DMD: variants seen among roughly 807,000 people sequenced by gnomAD.
DMD encodes the protein mutant dystrophin.
A neutral mutation model predicts 330.1 loss-of-function variants in DMD; 63 were observed. That is an observed-to-expected ratio of 0.19 (90% CI 0.16 to 0.24). DMD has a LOEUF of 0.24. Ranked by LOEUF, DMD falls within the 10% of genes least tolerant of loss-of-function variation. DMD has a pLI of 1.00. For synonymous variants in DMD, 1,223 were observed against 959.8 expected, an observed-to-expected ratio of 1.27 and a Z score of -5.07; for missense variants, 3,344 against 2,684.1, an observed-to-expected ratio of 1.25 and a Z score of -5.43.
At chrX:33,016,475 T>C (rs1172937435) in intron 2 of DMD, among the ~76,000 whole-genome samples, 1 of 111,398 alleles carries the variant, frequency 9.0e-6, no homozygotes, top group East Asian at 2.8e-4. Flanking sequence ...ACTCTCTCCT[T>C]TTCCCGTTCA....
At chrX:32,377,214 C>T (rs1396716281) in intron 34 of DMD, among the ~76,000 whole-genome samples, 2 of 111,741 alleles carry the variant, frequency 1.8e-5, no homozygotes, top group South Asian at 3.7e-4. Flanking sequence ...ACACTCAGTA[C>T]TTGATACTTC....
chrX:31,549,385 AT>A (rs2074344122), intron 55 of DMD, among the ~76,000 whole-genome samples: 1 of 111,415 alleles, frequency 9.0e-6, no homozygotes, highest in African/African-American at 3.3e-5. Flanking sequence ...ATGCAAAGTT[AT>A]TTTTGCTTTG....
At chrX:31,469,417 A>G (rs765159101) in intron 59 of DMD, among the ~76,000 whole-genome samples, 59 of 111,597 alleles carry the variant, frequency 5.3e-4, no homozygotes, top group Non-Finnish European at 9.4e-4. Flanking sequence ...TTTTATTTCT[A>G]CTTTGCTTAT....
chrX:32,716,091 G>T (rs1418200314), intron 7 of DMD, among the ~76,000 whole-genome samples: 1 of 111,134 alleles, frequency 9.0e-6, no homozygotes, highest in Non-Finnish European at 1.9e-5. Context: ...TATTGGCTAG[G>T]TTCTCCAGAA....
chrX:33,192,984 A>G (rs1362364705), intron 1 of DMD, among the ~76,000 whole-genome samples: 1 of 111,648 alleles, frequency 9.0e-6, no homozygotes. Flanking sequence ...AAATTTCTAA[A>G]ATGTGTCCAA....
intron 62 of DMD, among the ~76,000 whole-genome samples, chrX:31,321,413 C>T (rs1447748359): frequency 3.7e-5 from 4 of 107,554 alleles, no homozygotes; most frequent in African/African-American, 6.8e-5. Context: ...GGTGAAACCT[C>T]GTCTCTACTA....
At chrX:32,423,349 C>A (rs2148044541) in intron 29 of DMD, among the ~76,000 whole-genome samples, 1 of 108,602 alleles carries the variant, frequency 9.2e-6, no homozygotes, top group African/African-American at 3.3e-5. Flanking sequence ...TGTTAACACT[C>A]ATTCACAAAG....
Position 31,220,275 on chromosome X carries a change from C to T in DMD, c.9361+2772G>A, listed in dbSNP as rs557710635. 1.7e-4 allele frequency among the ~76,000 whole-genome samples: 19 copies of T among 111,720 alleles called. No individual in the cohort carries two copies. In the South Asian group the frequency reaches 7.3e-3, roughly 43 times the overall value. ...GCTACCACCCCACTCTTCTCCCCTT[C>T]ATAAGTAAATTTCTCCAAGAATCAT... On this transcript the variant is annotated intron_variant, in intron 64 of 78. Coordinates refer to ENST00000357033, the MANE Select transcript of DMD (RefSeq NM_004006.3).
At chrX:31,364,039 G>T (rs1369026964) in intron 60 of DMD, among the ~76,000 whole-genome samples, 6 of 112,750 alleles carry the variant, frequency 5.3e-5, no homozygotes, top group African/African-American at 1.3e-4. Context: ...GTTATATACA[G>T]ACTATTGTCA....
At chrX:33,032,112 T>C (rs1262628129) in intron 1 of DMD, among the ~76,000 whole-genome samples, 3 of 112,108 alleles carry the variant, frequency 2.7e-5, no homozygotes, top group Admixed American at 9.5e-5. Context: ...TCCCACTCAC[T>C]GATGTGGCCT....
chrX:31,381,327 A>C (rs2148722314), intron 60 of DMD, among the ~76,000 whole-genome samples: 1 of 111,657 alleles, frequency 9.0e-6, no homozygotes, highest in East Asian at 2.8e-4. Context: ...ACTTGACCTT[A>C]CTGTTTTGCC....
intron 44 of DMD, among the ~76,000 whole-genome samples, chrX:31,995,871 T>G (rs186881648): frequency 1.8e-5 from 2 of 112,396 alleles, no homozygotes; most frequent in Admixed American, 1.9e-4. Context: ...AGACCTCGTT[T>G]ATTTGTTAAA....
intron 45 of DMD, among the ~76,000 whole-genome samples, chrX:31,937,914 C>CT (rs201740784): frequency 0.042 from 4,660 of 111,622 alleles, 91 homozygotes; most frequent in Non-Finnish European, 0.067. Context: ...AGACATTTAG[C>CT]TTTTTTTAGA....
intron 2 of DMD, among the ~76,000 whole-genome samples, chrX:32,933,832 C>T (rs948966134): frequency 1.8e-5 from 2 of 111,599 alleles, no homozygotes; most frequent in Admixed American, 1.9e-4. Context: ...AGATGCACAT[C>T]AACTTAAGGA....
At chrX:32,959,567 A>C (rs4515702) in intron 2 of DMD, among the ~76,000 whole-genome samples, 41,147 of 110,165 alleles carry the variant, frequency 0.37, 6,728 homozygotes, top group African/African-American at 0.64. Context: ...ATTGATGTTT[A>C]TAATTTTTTG....
rs140802363 is a variant in DMD, at chrX:31,179,384, G to A, written c.10087-579C>T. Among the ~76,000 whole-genome samples the A allele has an allele frequency of 4.8e-3, 543 of 112,472 alleles. 2 individuals carry two copies. Among genetic ancestry groups the A allele is most frequent in the African/African-American group, 0.016 (489 of 31,023 alleles). ...TGTATGGGAACCAGCTGCAGATCTC[G>A]CTAAAATGTGGGTTTTGATTTAGAG... On this transcript the variant is annotated intron_variant, in intron 69 of 78. Transcript: ENST00000357033.
intron 17 of DMD, among the ~76,000 whole-genome samples, chrX:32,518,947 G>C (rs1278368298): frequency 6.0e-5 from 6 of 99,537 alleles, no homozygotes; most frequent in Non-Finnish European, 8.0e-5. Context: ...TTTGGTGTGA[G>C]TTGTTATGCT....
intron 60 of DMD, among the ~76,000 whole-genome samples, chrX:31,431,448 A>G (rs1009245421): frequency 9.0e-6 from 1 of 111,464 alleles, no homozygotes. Context: ...CCCCGGCTGG[A>G]GTGCAATGGC....
chrX:31,713,795 C>A (rs1032587616), intron 52 of DMD, among the ~76,000 whole-genome samples: 26 of 111,512 alleles, frequency 2.3e-4, no homozygotes, highest in African/African-American at 8.1e-4. Context: ...ATTCCTAGCC[C>A]CAATACCTTG....
Sources: gnomAD v4.1 joint callset for allele counts (sites outside exome capture counted in the v4.1 genomes callset) on GRCh38, gnomAD v4.1.1 for gene constraint, MANE v1.5 for transcripts, NCBI Gene and HGNC (gene_info 2026-07-23, HGNC 2026-07-21) for gene names.